The following CDH23 variants were observed in gnomAD, a reference collection of about 807,000 sequenced individuals.
CDH23 encodes the protein cadherin related 23.
In CDH23, 189 loss-of-function variants were observed where a neutral mutation model predicts 317.1. That is an observed-to-expected ratio of 0.60 (90% confidence interval 0.53 to 0.67). The LOEUF is 0.67. CDH23 is among the 30% of genes least tolerant of loss of function. The pLI is 0.00. For synonymous variants in CDH23, 1,839 were observed against 1,876.8 expected (o/e 0.98, Z 0.52); for missense variants, 4,401 against 4,592.4 (o/e 0.96, Z 1.20).
At chr10:71,421,828 G>A (rs1315616357) in intron 1 of CDH23, among the ~76,000 whole-genome samples, 4 of 125,812 alleles carry the variant, frequency 3.2e-5, no homozygotes, top group East Asian at 2.4e-4. Context: ...GTGAGGAAGC[G>A]TGTGTGTGTG....
At position 71,615,708 on chromosome 10, in the gene CDH23, G is replaced by A. The variant is rs372628984; in HGVS notation, c.945+92G>A. ...GCAGTGTCCGAGGGCTCCTGCCCCC[G>A]GTGGTGGCGCCGGAAGCACTTCGCT... On this transcript the variant is annotated intron_variant, in intron 10 of 69. Coordinates refer to ENST00000224721, the MANE Select transcript of CDH23 (RefSeq NM_022124.6). The A allele has an allele frequency of 2.0e-4, 175 of 873,060 alleles. 1 individual carries two copies. Among genetic ancestry groups the A allele is most frequent in the African/African-American group, 1.3e-3 (79 of 60,590 alleles). The allele number at this position is 873,060 out of a possible 1,614,324, so 54.1% of individuals were successfully genotyped here.
intron 9 of CDH23, among the ~76,000 whole-genome samples, chr10:71,599,006 C>T (rs1471162010): frequency 1.3e-5 from 2 of 151,814 alleles, no homozygotes; most frequent in Non-Finnish European, 2.9e-5. Flanking sequence ...TGGCCAACCA[C>T]CCACCCCACC....
chr10:71,632,618 G>T (rs1862066057), intron 11 of CDH23, among the ~76,000 whole-genome samples: 1 of 152,114 alleles, frequency 6.6e-6, no homozygotes, highest in African/African-American at 2.4e-5. Context: ...AAAAGGGCAG[G>T]CTGGGGGAGG....
chr10:71,593,850 A>C (rs1205740670), intron 9 of CDH23, among the ~76,000 whole-genome samples: 1 of 152,208 alleles, frequency 6.6e-6, no homozygotes, highest in Non-Finnish European at 1.5e-5. Context: ...GGCCTGGTGC[A>C]GTGGCTCACA....
intron 9 of CDH23, among the ~76,000 whole-genome samples, chr10:71,605,939 G>A (rs1860503750): frequency 6.6e-6 from 1 of 152,172 alleles, no homozygotes; most frequent in South Asian, 2.1e-4. Flanking sequence ...ATAGTCCCTG[G>A]TGATGTCTTT....
intron 14 of CDH23, among the ~76,000 whole-genome samples, chr10:71,668,276 G>A (rs1863996637): frequency 6.6e-6 from 1 of 152,160 alleles, no homozygotes; most frequent in African/African-American, 2.4e-5. Context: ...GGGAGCAGAA[G>A]CCACCATGGC....
chr10:71,423,772 C>T (rs1848920923), intron 1 of CDH23, among the ~76,000 whole-genome samples: 1 of 152,142 alleles, frequency 6.6e-6, no homozygotes, highest in South Asian at 2.1e-4. Flanking sequence ...GGTGGTGTTC[C>T]TGCCTCCAAG....
chr10:71,433,583 G>T (rs2131988681), intron 1 of CDH23, among the ~76,000 whole-genome samples: 1 of 151,988 alleles, frequency 6.6e-6, no homozygotes, highest in East Asian at 2.0e-4. Flanking sequence ...ATGTCCAGCT[G>T]CTGACCCACT....
chr10:71,442,312 A>G (rs1401558935), intron 2 of CDH23, among the ~76,000 whole-genome samples: 1 of 152,212 alleles, frequency 6.6e-6, no homozygotes, highest in African/African-American at 2.4e-5. Flanking sequence ...TGTCTGAAGC[A>G]GCCAGTGCTG....
At chr10:71,411,590 T>C (rs552359077) in intron 1 of CDH23, among the ~76,000 whole-genome samples, 2 of 152,280 alleles carry the variant, frequency 1.3e-5, no homozygotes, top group Middle Eastern at 3.4e-3. Flanking sequence ...ACAATACTTA[T>C]ATCATTTTTC....
At chr10:71,637,399 C>T (rs1862327760) in intron 11 of CDH23, among the ~76,000 whole-genome samples, 1 of 152,146 alleles carries the variant, frequency 6.6e-6, no homozygotes, top group Non-Finnish European at 1.5e-5. Context: ...ATAATAATAG[C>T]TCTCCTCTAT....
intron 6 of CDH23, among the ~76,000 whole-genome samples, chr10:71,540,660 C>A (rs1331025892): frequency 6.6e-6 from 1 of 152,168 alleles, no homozygotes; most frequent in Non-Finnish European, 1.5e-5. Flanking sequence ...GAAGGAGTCT[C>A]CACCTACCGT....
chr10:71,459,085 C>CTTT (rs372627407), intron 3 of CDH23, among the ~76,000 whole-genome samples: 1,725 of 102,566 alleles, frequency 0.017, 84 homozygotes, highest in African/African-American at 0.049. Context: ...CACACCTGGC[C>CTTT]TTTTTTTTTT....
At chr10:71,680,946 A>G (rs1864617959) in intron 17 of CDH23, among the ~76,000 whole-genome samples, 1 of 144,922 alleles carries the variant, frequency 6.9e-6, no homozygotes, top group Non-Finnish European at 1.5e-5. Context: ...CTCCAGCCTC[A>G]GCCTCCCGAG....
intron 48 of CDH23, 111 bp from the exon 49 acceptor site, chr10:71,796,993 G>A (rs886494458): frequency 4.3e-6 from 3 of 694,080 alleles, no homozygotes; most frequent in East Asian, 2.8e-5. Context: ...GATTCTACTG[G>A]GGACCGTCAT....
At chr10:71,488,202 G>A (rs1273455027) in intron 3 of CDH23, among the ~76,000 whole-genome samples, 1 of 152,240 alleles carries the variant, frequency 6.6e-6, no homozygotes, top group Non-Finnish European at 1.5e-5. Context: ...AGCATGGAGG[G>A]AAAGTCAGGA....
intron 2 of CDH23, among the ~76,000 whole-genome samples, chr10:71,441,752 TC>T (rs1849895676): frequency 6.6e-6 from 1 of 150,580 alleles, no homozygotes; most frequent in East Asian, 2.0e-4. Flanking sequence ...AAAAAATACA[TC>T]AGTAGAAATA....
At chr10:71,643,631 C>T (rs1211933564) in intron 11 of CDH23, among the ~76,000 whole-genome samples, 1 of 152,180 alleles carries the variant, frequency 6.6e-6, no homozygotes, top group East Asian at 1.9e-4. Context: ...CTCTTCTTCA[C>T]TGTCCAGCAC....
chr10:71,782,738 G>A (rs59963564), intron 41 of CDH23, among the ~76,000 whole-genome samples: 3,442 of 152,352 alleles, frequency 0.023, 136 homozygotes, highest in African/African-American at 0.078. Context: ...TTGAGACAGG[G>A]CTGGGAAACA....
Sources: gnomAD v4.1 joint callset for allele counts (sites outside exome capture counted in the v4.1 genomes callset) on GRCh38, gnomAD v4.1.1 for gene constraint, MANE v1.5 for transcripts, NCBI Gene and HGNC (gene_info 2026-07-23, HGNC 2026-07-21) for gene names.